The following TFDP2 variants were observed in gnomAD, a reference collection of about 807,000 sequenced individuals.
The protein encoded by TFDP2 is transcription factor Dp-2 (E2F dimerization partner 2).
In TFDP2, 17 loss-of-function variants were observed where a neutral mutation model predicts 59.3. The ratio of observed to expected loss-of-function variants is 0.29; its 90% CI spans 0.20 to 0.43. The LOEUF is 0.43. TFDP2 is among the 20% of genes least tolerant of loss of function. The probability of loss-of-function intolerance (pLI) is 1.00; values close to 1 mark genes in which losing one functional copy is unlikely to be tolerated. For synonymous variants in TFDP2, 180 were observed against 194.7 expected (o/e 0.92, Z 0.63); for missense variants, 391 against 528.8 (o/e 0.74, Z 2.56).
At chr3:142,104,933 T>C (rs538789189) in intron 1 of TFDP2, among the ~76,000 whole-genome samples, 7 of 152,134 alleles carry the variant, frequency 4.6e-5, no homozygotes, top group Admixed American at 4.6e-4. Flanking sequence ...TGCAGTAGAG[T>C]GGAAAGAGTA....
chr3:142,073,958 T>C (rs2060351461), intron 3 of TFDP2, among the ~76,000 whole-genome samples: 1 of 152,190 alleles, frequency 6.6e-6, no homozygotes, highest in Non-Finnish European at 1.5e-5. Context: ...CAAACTCACA[T>C]GGAATTCCAA....
intron 4 of TFDP2, among the ~76,000 whole-genome samples, chr3:141,999,611 T>G (rs868549598): frequency 3.3e-4 from 51 of 152,354 alleles, no homozygotes; most frequent in Admixed American, 5.9e-4. Flanking sequence ...ACAAAACTTT[T>G]CATGGGGCCT....
At chr3:142,077,075 T>G (rs1347513358) in intron 3 of TFDP2, among the ~76,000 whole-genome samples, 3 of 152,084 alleles carry the variant, frequency 2.0e-5, no homozygotes, top group African/African-American at 7.2e-5. Context: ...GACTCTGTAT[T>G]GGAACTCAGT....
At chr3:141,955,065 CA>C (rs3840219) in intron 11 of TFDP2, among the ~76,000 whole-genome samples, 95,661 of 151,944 alleles carry the variant, frequency 0.63, 31,001 homozygotes, top group East Asian at 0.74. Flanking sequence ...AAATTAAAGC[CA>C]GAATCTTGTG....
intron 1 of TFDP2, among the ~76,000 whole-genome samples, chr3:142,140,694 G>GAACAACAAATATT (rs1553819462): frequency 6.6e-6 from 1 of 152,210 alleles, no homozygotes; most frequent in Non-Finnish European, 1.5e-5. Flanking sequence ...CAGCAGCAGA[G>GAACAACAAATATT]GCTGCAGAAC....
chr3:142,031,210 A>C (rs952642675), intron 3 of TFDP2, among the ~76,000 whole-genome samples: 3 of 152,216 alleles, frequency 2.0e-5, no homozygotes, highest in Middle Eastern at 3.2e-3. Context: ...GTGACAAATA[A>C]AATAAGGTGG....
intron 3 of TFDP2, among the ~76,000 whole-genome samples, chr3:142,061,521 AATGG>A (rs1447150345): frequency 6.6e-6 from 1 of 152,092 alleles, no homozygotes; most frequent in African/African-American, 2.4e-5. Context: ...CACCCTCTCC[AATGG>A]AGAGGGGCAT....
At chr3:141,975,394 T>C (rs4331653) in intron 7 of TFDP2, among the ~76,000 whole-genome samples, 2 of 151,986 alleles carry the variant, frequency 1.3e-5, no homozygotes, top group East Asian at 3.9e-4. Context: ...ATGTAAATAC[T>C]AGAAATCTTG....
chr3:142,079,315 C>G (rs893965288), intron 3 of TFDP2, among the ~76,000 whole-genome samples: 2 of 151,430 alleles, frequency 1.3e-5, no homozygotes, highest in African/African-American at 4.9e-5. Context: ...AAACAAAAAA[C>G]AAAAAACACA....
intron 3 of TFDP2, among the ~76,000 whole-genome samples, chr3:142,079,501 C>A (rs2060567328): frequency 6.6e-6 from 1 of 152,034 alleles, no homozygotes; most frequent in African/African-American, 2.4e-5. Context: ...CAGCAAAATT[C>A]CCAAACCTAG....
In TFDP2 at chr3:142,005,491, T is replaced by A; in HGVS notation, c.136A>T (p.Ile46Phe). ...PVSNTNSPTKILPKTLGPINV... is the reference protein window; with the variant it reads ...PVSNTNSPTKFLPKTLGPINV... ...ATTGGTCCTAAGGTTTTTGGTAAAA[T>A]CTTTGTAGGTGAGTTGGTATTGGAA... The change falls in exon 4 of 13, where the codon ATT (isoleucine) becomes TTT (phenylalanine). Residue 46 changes from isoleucine to phenylalanine, a missense_variant. By Grantham distance (21) the Ile-to-Phe change is conservative (BLOSUM62 0). Around this residue, in one of 3 missense-constraint regions of TFDP2, gnomAD observed 162 missense variants for 206.8 expected, o/e 0.78. Transcript: ENST00000489671. 3 of 1,611,334 alleles carry A rather than the reference T, an allele frequency of 1.9e-6. No individual in the cohort carries two copies. The highest frequency in any genetic ancestry group is 2.5e-6 in the Non-Finnish European group (3 of 1,178,390).
chr3:142,020,154 T>G lies in TFDP2; in HGVS notation c.83-14610A>C, dbSNP rs148942735. Among the ~76,000 whole-genome samples, 307 of 152,332 alleles carry G rather than the reference T, an allele frequency of 2.0e-3. 1 individual carries two copies. The highest frequency in any genetic ancestry group is 7.0e-3 in the African/African-American group (289 of 41,576). On this transcript the variant is annotated intron_variant, in intron 3 of 12. Transcript: ENST00000489671. ...GTATTTCTAATTTTAGCCAGCCATC[T>G]AGAAAGCAATATATGCCACTGAAAA... is the stretch of plus-strand genomic sequence containing the variant.
chr3:142,046,631 C>T (rs189120779), intron 3 of TFDP2, among the ~76,000 whole-genome samples: 52 of 152,282 alleles, frequency 3.4e-4, no homozygotes, highest in Non-Finnish European at 3.8e-4. Flanking sequence ...GGTAAAGATC[C>T]TACTTCCTTA....
intron 1 of TFDP2, among the ~76,000 whole-genome samples, chr3:142,136,191 T>C (rs959955507): frequency 1.3e-5 from 2 of 152,164 alleles, no homozygotes; most frequent in African/African-American, 2.4e-5. Flanking sequence ...GCTGGCTGCA[T>C]AGATGTCTTC....
chr3:141,968,519 C>CATATATATAGATATATATAACAT (rs1938701452), intron 9 of TFDP2, among the ~76,000 whole-genome samples: 1 of 98,974 alleles, frequency 1.0e-5, no homozygotes, highest in Non-Finnish European at 1.7e-5. Flanking sequence ...ATATATATCT[C>CATATATATAGATATATATAACAT]ATATATATAG....
intron 7 of TFDP2, among the ~76,000 whole-genome samples, chr3:141,975,041 G>C (rs1158172990): frequency 6.0e-5 from 9 of 149,162 alleles, no homozygotes; most frequent in Non-Finnish European, 1.5e-5. Flanking sequence ...AGCCTCCCAA[G>C]TAGCTGGCAC....
Position 142,060,338 on chromosome 3 carries a change from T to G in TFDP2, c.82+32723A>C, listed in dbSNP as rs368214776. ...GTAACTTTCTCATATCCATCTTAAGTACTCTTTTTAAAATTAAAGATCCAA... is the reference window on the plus strand; with the variant it reads ...GTAACTTTCTCATATCCATCTTAAGGACTCTTTTTAAAATTAAAGATCCAA... On this transcript the variant is annotated intron_variant, in intron 3 of 12. Transcript: ENST00000489671. Among the ~76,000 whole-genome samples the G allele has an allele frequency of 2.0e-4, 30 of 152,326 alleles. No homozygotes were observed. The South Asian group carries it at 6.0e-3, about 31-fold the overall frequency.
chr3:142,008,325 G>A (rs1944379690), intron 3 of TFDP2, among the ~76,000 whole-genome samples: 1 of 151,556 alleles, frequency 6.6e-6, no homozygotes, highest in Non-Finnish European at 1.5e-5. Flanking sequence ...TGGCAAAACT[G>A]TTCTGAACAC....
chr3:142,049,088 G>C (rs949064613), intron 3 of TFDP2, among the ~76,000 whole-genome samples: 2 of 152,200 alleles, frequency 1.3e-5, no homozygotes, highest in African/African-American at 4.8e-5. Context: ...TGAAAATAGT[G>C]AGAGAAAGTA....
Sources: allele counts gnomAD v4.1 joint callset (sites outside exome capture counted in the v4.1 genomes callset), GRCh38; gene constraint gnomAD v4.1.1; regional missense constraint gnomAD v4.1.1; transcripts MANE v1.5; gene names NCBI Gene and HGNC (gene_info 2026-07-23, HGNC 2026-07-21).